Variants in NRG1 observed in about 807,000 individuals in gnomAD.
NRG1 encodes pro-neuregulin-1, membrane-bound isoform.
Under a neutral mutation model 63.8 loss-of-function variants are expected in NRG1, and 18 were observed. The ratio of observed to expected loss-of-function variants is 0.28; its 90% CI spans 0.19 to 0.42. NRG1 has a LOEUF of 0.42. Ranked by LOEUF, NRG1 falls within the 10% of genes least tolerant of loss-of-function variation. NRG1 has a pLI of 1.00. For synonymous variants in NRG1, 302 were observed against 301.3 expected, an observed-to-expected ratio of 1.00 and a Z score of -0.02; for missense variants, 762 against 814.7, an observed-to-expected ratio of 0.94 and a Z score of 0.79.
At chr8:32,120,044 G>C (rs1833234376) in intron 1 of NRG1, among the ~76,000 whole-genome samples, 1 of 151,910 alleles carries the variant, frequency 6.6e-6, no homozygotes, top group Non-Finnish European at 1.5e-5. Context: ...AGTTTTCTCA[G>C]CTTTAAAATA....
At chr8:31,781,152 A>C (rs149969335) in intron 1 of NRG1, among the ~76,000 whole-genome samples, 202 of 152,308 alleles carry the variant, frequency 1.3e-3, no homozygotes, top group African/African-American at 4.5e-3. Flanking sequence ...CAGCCCAGAC[A>C]GATTTATTCA....
intron 5 of NRG1, among the ~76,000 whole-genome samples, chr8:32,698,234 G>C (rs1813879878): frequency 6.6e-6 from 1 of 151,754 alleles, no homozygotes; most frequent in African/African-American, 2.4e-5. Context: ...AAAGGTAACA[G>C]CAATTTTCAG....
At chr8:32,133,003 C>G (rs150640864) in intron 1 of NRG1, among the ~76,000 whole-genome samples, 3 of 151,874 alleles carry the variant, frequency 2.0e-5, no homozygotes, top group Non-Finnish European at 2.9e-5. Context: ...ACTCCTCCCC[C>G]CTTTCCCCCC....
intron 1 of NRG1, among the ~76,000 whole-genome samples, chr8:31,932,953 T>C (rs1431479458): frequency 1.3e-5 from 2 of 152,220 alleles, no homozygotes; most frequent in African/African-American, 2.4e-5. Flanking sequence ...GAGCATCTCA[T>C]GTATAAGCTC....
chr8:32,397,965 C>T (rs908942495), intron 1 of NRG1, among the ~76,000 whole-genome samples: 1 of 152,180 alleles, frequency 6.6e-6, no homozygotes, highest in Non-Finnish European at 1.5e-5. Context: ...TGTGTTTTCA[C>T]TTTCTTATCA....
chr8:32,730,394 A>G (rs1024201473), intron 6 of NRG1, among the ~76,000 whole-genome samples: 5 of 152,190 alleles, frequency 3.3e-5, no homozygotes, highest in African/African-American at 7.2e-5. Context: ...TTGAGCCTGC[A>G]GTGAGCCAAG....
intron 1 of NRG1, among the ~76,000 whole-genome samples, chr8:31,689,406 A>T (rs999468515): frequency 1.4e-4 from 21 of 152,242 alleles, no homozygotes; most frequent in African/African-American, 5.1e-4. Context: ...ATTATAATTT[A>T]GTACATTATT....
chr8:32,372,654 T>C (rs1587162009), intron 1 of NRG1, among the ~76,000 whole-genome samples: 1 of 152,222 alleles, frequency 6.6e-6, no homozygotes, highest in Non-Finnish European at 1.5e-5. Flanking sequence ...GTAGGTAAAA[T>C]AGAGCTCAGA....
intron 1 of NRG1, among the ~76,000 whole-genome samples, chr8:31,969,884 C>T (rs1166188408): frequency 6.6e-6 from 1 of 152,068 alleles, no homozygotes; most frequent in East Asian, 1.9e-4. Context: ...ATCAGTCAGA[C>T]AAAACACTCC....
intron 1 of NRG1, among the ~76,000 whole-genome samples, chr8:32,021,530 T>C (rs535093486): frequency 2.0e-5 from 3 of 152,230 alleles, no homozygotes; most frequent in East Asian, 3.9e-4. Flanking sequence ...CACCTCCCAA[T>C]AGGCCCTACC....
chr8:31,911,161 C>T (rs1563555416), intron 1 of NRG1, among the ~76,000 whole-genome samples: 1 of 151,836 alleles, frequency 6.6e-6, no homozygotes, highest in Non-Finnish European at 1.5e-5. Flanking sequence ...TGTGAAGAAA[C>T]TTGTTGTGTG....
chr8:32,221,683 A>G (rs909068730), intron 1 of NRG1, among the ~76,000 whole-genome samples: 2 of 152,118 alleles, frequency 1.3e-5, no homozygotes, highest in African/African-American at 2.4e-5. Context: ...TGATTACAGC[A>G]TATATTGATT....
At chr8:32,003,186 C>A (rs956418302) in intron 1 of NRG1, among the ~76,000 whole-genome samples, 2 of 152,054 alleles carry the variant, frequency 1.3e-5, no homozygotes, top group African/African-American at 4.8e-5. Flanking sequence ...GAACAGCCTG[C>A]ATTCCATCCT....
chr8:31,860,410 G>A (rs1201882753), intron 1 of NRG1, among the ~76,000 whole-genome samples: 1 of 152,206 alleles, frequency 6.6e-6, no homozygotes, highest in Non-Finnish European at 1.5e-5. Flanking sequence ...TCATGAAAAT[G>A]TTGCATGGTG....
chr8:31,705,444 C>A (rs978925387), intron 1 of NRG1, among the ~76,000 whole-genome samples: 4 of 152,140 alleles, frequency 2.6e-5, no homozygotes, highest in African/African-American at 9.7e-5. Context: ...CCACACCCCA[C>A]ACTCCTTTAC....
intron 1 of NRG1, among the ~76,000 whole-genome samples, chr8:32,528,627 G>A (rs1831132106): frequency 6.6e-6 from 1 of 152,072 alleles, no homozygotes; most frequent in Non-Finnish European, 1.5e-5. Flanking sequence ...TTGTTTGACT[G>A]CTTAGAGTAG....
chr8:31,863,137 C>G (rs530279262), intron 1 of NRG1, among the ~76,000 whole-genome samples: 2 of 152,188 alleles, frequency 1.3e-5, no homozygotes, highest in Non-Finnish European at 2.9e-5. Flanking sequence ...ACATTCACAC[C>G]ACTCAGTGCC....
chr8:32,268,128 A>G (rs1851175873), intron 1 of NRG1, among the ~76,000 whole-genome samples: 2 of 152,178 alleles, frequency 1.3e-5, no homozygotes, highest in Admixed American at 6.5e-5. Context: ...GCAGCCTCCA[A>G]CTGAGCCACC....
chr8:32,768,146 C>G (rs1233100469), downstream of NRG1, among the ~76,000 whole-genome samples: 1 of 152,178 alleles, frequency 6.6e-6, no homozygotes, highest in Admixed American at 6.5e-5. Context: ...TCCTCCCTAC[C>G]AATGCTGTTT....
Sources: gnomAD v4.1 joint callset for allele counts (sites outside exome capture counted in the v4.1 genomes callset) on GRCh38, gnomAD v4.1.1 for gene constraint, MANE v1.5 for transcripts, NCBI Gene and HGNC (gene_info 2026-07-23, HGNC 2026-07-21) for gene names.